The following U2AF2 variants were observed in gnomAD, a reference collection of about 807,000 sequenced individuals.
The protein encoded by U2AF2 is U2 small nuclear RNA auxiliary factor 2.
In U2AF2, 6 loss-of-function variants were observed where a neutral mutation model predicts 52.6. The observed-to-expected ratio is 0.11, with a 90% CI of 0.06 to 0.23. The LOEUF is 0.23. Among genes scored for constraint, U2AF2 ranks in the 10% least tolerant of loss-of-function variants. The probability of loss-of-function intolerance (pLI) is 1.00; values close to 1 mark genes in which losing one functional copy is unlikely to be tolerated. For synonymous variants in U2AF2, 284 were observed against 258.2 expected (o/e 1.10, Z -0.96); for missense variants, 222 against 677.1 (o/e 0.33, Z 7.46).
chr19:55,658,537 A>G (rs1568548236), intron 1 of U2AF2, among the ~76,000 whole-genome samples: 1 of 152,046 alleles, frequency 6.6e-6, no homozygotes, highest in African/African-American at 2.4e-5. Flanking sequence ...AGGCTGAGAG[A>G]TTCAAGTGGT....
chr19:55,664,775 T>C (rs1294246532), intron 7 of U2AF2, among the ~76,000 whole-genome samples: 2 of 152,168 alleles, frequency 1.3e-5, no homozygotes, highest in African/African-American at 4.8e-5. Context: ...TGGAATGCAG[T>C]GGCACGATCT....
At chr19:55,670,443 T>G (rs1372410534) in intron 11 of U2AF2, among the ~76,000 whole-genome samples, 36 of 133,488 alleles carry the variant, frequency 2.7e-4, no homozygotes, top group Non-Finnish European at 5.5e-4. Context: ...CCGTGCACCC[T>G]GCTGTCCCGT....
At position 55,668,422 on chromosome 19, in the gene U2AF2, C is replaced by G. The variant is rs1397495010; in HGVS notation, c.743-85C>G. The G allele has an allele frequency of 1.5e-6, 2 of 1,344,508 alleles. No homozygotes were observed. Among genetic ancestry groups the G allele is most frequent in the East Asian group, 2.4e-5 (1 of 41,562 alleles). The allele number at this position is 1,344,508 out of a possible 1,614,324, so 83.3% of individuals were successfully genotyped here. ...ATCAGGCAGGAAGTGTTCTCTTTGG[C>G]AATTGAGGAGCTCGCCGTAGACTGT... On this transcript the variant is annotated intron_variant, in intron 7 of 11. Coordinates refer to ENST00000308924, the MANE Select transcript of U2AF2 (RefSeq NM_007279.3). The surrounding 1 kb of genome is among the most constrained non-coding windows in gnomAD (Gnocchi z 5.5).
In U2AF2 at chr19:55,659,292, C is replaced by T. The variant is rs764451799; in HGVS notation, c.132C>T (p.Arg44=). 2.8e-5 allele frequency: 45 copies of T among 1,598,236 alleles called. No homozygotes were observed. The highest frequency in any genetic ancestry group is 1.5e-4 in the African/African-American group (11 of 74,332). ...ACCGCAAACGCCGGAGCCGGAGCCGCGACCGGCGCAACCGGGACCAGCGGA... is the reference window on the plus strand; with the variant it reads ...ACCGCAAACGCCGGAGCCGGAGCCGTGACCGGCGCAACCGGGACCAGCGGA... ...SRDRKRRSRS[R]DRRNRDQRSA... The change falls in exon 2 of 12, where the codon CGC becomes CGT. Residue 44 remains arginine (R), a synonymous_variant. Transcript: ENST00000308924.
At chr19:55,671,171 A>G (rs1158077425) in intron 11 of U2AF2, among the ~76,000 whole-genome samples, 5 of 152,134 alleles carry the variant, frequency 3.3e-5, no homozygotes, top group African/African-American at 1.2e-4. Context: ...GGTCTCCCGC[A>G]ATAATCTGGT....
chr19:55,670,259 C>T (rs1984810110), intron 11 of U2AF2, among the ~76,000 whole-genome samples: 1 of 152,084 alleles, frequency 6.6e-6, no homozygotes, highest in Non-Finnish European at 1.5e-5. Flanking sequence ...GTCCTGTCAC[C>T]TCCAGCGCCG....
Position 55,655,172 on chromosome 19 carries a change from C to T in U2AF2, c.49+19C>T, listed in dbSNP as rs1983692221. ...AAACAAGGTGAGGGCACCGGGGTCGCGGGGCGGAGGTGTGGGCGGCTCCTC... is the reference window on the plus strand; with the variant it reads ...AAACAAGGTGAGGGCACCGGGGTCGTGGGGCGGAGGTGTGGGCGGCTCCTC... On this transcript the variant is annotated intron_variant, in intron 1 of 11. Coordinates refer to ENST00000308924, the MANE Select transcript of U2AF2 (RefSeq NM_007279.3). The T allele has an allele frequency of 6.2e-7, 1 of 1,600,688 alleles. No homozygotes were observed. Among genetic ancestry groups the T allele is most frequent in the Non-Finnish European group, 8.5e-7 (1 of 1,174,776 alleles).
At chr19:55,661,550 GC>G (rs1245117678) in intron 5 of U2AF2, among the ~76,000 whole-genome samples, 4 of 146,452 alleles carry the variant, frequency 2.7e-5, no homozygotes, top group African/African-American at 1.0e-4. Context: ...ACAGACGCAC[GC>G]TGCCCCTCAG....
chr19:55,673,791 C>T, intron 11 of U2AF2, 143 bp from the exon 12 acceptor site: 3 of 1,170,102 alleles, frequency 2.6e-6, no homozygotes, highest in Non-Finnish European at 3.6e-6. Flanking sequence ...ACCAAACCTG[C>T]TTACTAAGGG....
At chr19:55,656,342 A>C (rs1189211902) in intron 1 of U2AF2, among the ~76,000 whole-genome samples, 1 of 152,170 alleles carries the variant, frequency 6.6e-6, no homozygotes, top group African/African-American at 2.4e-5. Context: ...CTGTATTAGG[A>C]AACAGTGTCC....
At chr19:55,670,404 G>A (rs1026352699) in intron 11 of U2AF2, among the ~76,000 whole-genome samples, 1 of 35,908 alleles carries the variant, frequency 2.8e-5, no homozygotes, top group Non-Finnish European at 6.0e-5. Context: ...GACGCTGAGG[G>A]TTCAGTTGTG....
intron 6 of U2AF2, 92 bp from the exon 7 acceptor site, chr19:55,663,514 T>C (rs756646315): frequency 6.6e-7 from 1 of 1,526,156 alleles, no homozygotes; most frequent in Non-Finnish European, 8.8e-7. Flanking sequence ...TTCACATGAG[T>C]GAAAGGAAAG....
chr19:55,662,028 C>A, intron 5 of U2AF2: 1 of 162,954 alleles, frequency 6.1e-6, no homozygotes, highest in Non-Finnish European at 1.3e-5. Context: ...TCCTGCTCTC[C>A]CTTTCTGTCC....
At chr19:55,661,411 C>A in intron 5 of U2AF2, 1 of 505,128 alleles carries the variant, frequency 2.0e-6, no homozygotes, top group Non-Finnish European at 3.5e-6. Flanking sequence ...TCCCCCCAAC[C>A]TCCTCCAGCA....
chr19:55,659,494 T>G (rs1984021529), intron 2 of U2AF2, 149 bp downstream of exon 2: 1 of 1,093,018 alleles, frequency 9.1e-7, no homozygotes, highest in African/African-American at 1.7e-5. Flanking sequence ...AGGGATCTAC[T>G]GCTTGGTCTG....
At position 55,655,051 on chromosome 19, in the gene U2AF2, G is replaced by C; in HGVS notation, c.-54G>C. 2 of 1,598,802 alleles carry C rather than the reference G, an allele frequency of 1.3e-6. No individual in the cohort carries two copies. Among genetic ancestry groups the C allele is most frequent in the Non-Finnish European group, 1.7e-6 (2 of 1,174,424 alleles). On this transcript the variant is annotated 5_prime_UTR_variant, in exon 1 of 12. Coordinates refer to ENST00000308924, the MANE Select transcript of U2AF2 (RefSeq NM_007279.3). ...GGCGGAAGTAGCCGAAGCGGCTGGA[G>C]CGGGCGGCAAGGCGAGGCGAAAGCT...
rs1429917723 is a variant in U2AF2, at chr19:55,668,451, G to A, written c.743-56G>A. 4.6e-6 allele frequency: 7 copies of A among 1,508,782 alleles called. No individual in the cohort carries two copies. Among genetic ancestry groups the A allele is most frequent in the Middle Eastern group, 1.8e-4 (1 of 5,666 alleles). 93.5% of individuals were successfully genotyped at this position (1,508,782 alleles called of 1,614,324 possible). ...TGAGGAGCTCGCCGTAGACTGTCCA[G>A]GTTTTGGGAGATAACCTGGTACTGG... is the stretch of plus-strand genomic sequence containing the variant. On this transcript the variant is annotated intron_variant, in intron 7 of 11. Transcript: ENST00000308924. This position sits in a 1 kb window ranked among gnomAD's most constrained non-coding sequence, Gnocchi z 5.5.
At chr19:55,655,218 G>T in intron 1 of U2AF2, 65 bp downstream of exon 1, 1 of 1,524,070 alleles carries the variant, frequency 6.6e-7, no homozygotes, top group South Asian at 1.2e-5. Flanking sequence ...TTGCCCCCCC[G>T]CCATTTTCTC....
intron 1 of U2AF2, among the ~76,000 whole-genome samples, chr19:55,655,739 C>T (rs1283099506): frequency 2.0e-5 from 3 of 152,246 alleles, no homozygotes; most frequent in Non-Finnish European, 4.4e-5. Flanking sequence ...GCTCTGATCT[C>T]TCCCGCCAGG....
Sources: allele counts gnomAD v4.1 joint callset (sites outside exome capture counted in the v4.1 genomes callset), GRCh38; gene constraint gnomAD v4.1.1; non-coding constraint Gnocchi (gnomAD v3.1); transcripts MANE v1.5; gene names NCBI Gene and HGNC (gene_info 2026-07-23, HGNC 2026-07-21).